PCNX1: variants seen among roughly 807,000 people sequenced by gnomAD.
PCNX1 encodes pecanex-like protein 1.
Under a neutral mutation model 242.2 loss-of-function variants are expected in PCNX1, and 78 were observed. The observed-to-expected ratio is 0.32, with a 90% CI of 0.27 to 0.39. PCNX1 has a LOEUF of 0.39. PCNX1 is among the 10% of genes least tolerant of loss of function. PCNX1 has a pLI of 1.00. For missense variants in PCNX1, 2,581 were observed against 2,856.5 expected, an observed-to-expected ratio of 0.90 and a Z score of 2.20; for synonymous variants, 1,024 against 1,032.9, an observed-to-expected ratio of 0.99 and a Z score of 0.17.
intron 3 of PCNX1, among the ~76,000 whole-genome samples, chr14:70,963,228 T>C (rs1306788003): frequency 1.3e-5 from 2 of 152,226 alleles, no homozygotes; most frequent in Admixed American, 6.5e-5. Context: ...GTAACTATCC[T>C]ACATTTCTCA....
intron 26 of PCNX1, among the ~76,000 whole-genome samples, chr14:71,060,129 A>G (rs1365994703): frequency 6.6e-6 from 1 of 152,202 alleles, no homozygotes; most frequent in African/African-American, 2.4e-5. Context: ...TGCACATATC[A>G]CAATGGTCCC....
intron 11 of PCNX1, among the ~76,000 whole-genome samples, chr14:71,017,485 C>G (rs566141001): frequency 6.6e-6 from 1 of 152,102 alleles, no homozygotes; most frequent in South Asian, 2.1e-4. Flanking sequence ...GTAGCCTTAC[C>G]TTGTGCCATA....
chr14:70,926,615 C>T (rs1247320753), intron 1 of PCNX1, among the ~76,000 whole-genome samples: 2 of 152,088 alleles, frequency 1.3e-5, no homozygotes, highest in Admixed American at 6.5e-5. Flanking sequence ...CACATGACAG[C>T]GCCCCACACC....
chr14:70,995,901 G>A lies in PCNX1; in HGVS notation c.2605G>A (p.Gly869Ser), dbSNP rs755551924. The change falls in exon 8 of 36, where the codon GGT (glycine) becomes AGT (serine). Residue 869 changes from glycine (G) to serine (S), a missense_variant. Gly to Ser is a moderately conservative substitution (Grantham distance 56, BLOSUM62 0). This residue lies in a region of PCNX1 where 1,204 missense variants were observed against 1,216.7 expected (regional missense o/e 0.99). Coordinates refer to ENST00000304743, the MANE Select transcript of PCNX1 (RefSeq NM_014982.3). Reference sequence around the variant, plus strand: ...ACATGACAATGCATCTGCTGTAGGCGGTAGCAGTTTGCACGATGAACTTGG... The same window carrying A: ...ACATGACAATGCATCTGCTGTAGGCAGTAGCAGTTTGCACGATGAACTTGG... Reference protein sequence around the residue: ...ASHDNASAVGGSSLHDELGKF... With the variant: ...ASHDNASAVGSSSLHDELGKF... 5.0e-6 allele frequency: 8 copies of A among 1,613,886 alleles called. No homozygotes were observed. The highest frequency in any genetic ancestry group is 2.2e-5 in the South Asian group (2 of 91,074).
At chr14:71,036,229 A>T in intron 19 of PCNX1, 72 bp downstream of exon 19, 2 of 967,376 alleles carry the variant, frequency 2.1e-6, no homozygotes, top group Non-Finnish European at 3.4e-6. Context: ...CCCAGGCTGG[A>T]GTGCAGTGTT....
At chr14:70,947,461 C>A (rs2057502845) in intron 2 of PCNX1, among the ~76,000 whole-genome samples, 1 of 152,180 alleles carries the variant, frequency 6.6e-6, no homozygotes, top group African/African-American at 2.4e-5. Context: ...GTTAGTTCCC[C>A]AAATTAATAC....
chr14:70,957,631 C>T (rs751237293), intron 2 of PCNX1, among the ~76,000 whole-genome samples: 6 of 151,872 alleles, frequency 4.0e-5, no homozygotes, highest in Non-Finnish European at 7.4e-5. Flanking sequence ...TGGAAAGGGA[C>T]GGGTAGTAAT....
intron 26 of PCNX1, among the ~76,000 whole-genome samples, chr14:71,069,867 A>G (rs912665614): frequency 6.6e-6 from 1 of 152,220 alleles, no homozygotes; most frequent in Admixed American, 6.5e-5. Context: ...TCAGACAACA[A>G]TGAAGTTTGC....
Position 70,907,923 on chromosome 14 carries a change from C to T in PCNX1, c.73C>T (p.Pro25Ser), listed in dbSNP as rs1365472264. 3.8e-6 allele frequency: 6 copies of T among 1,593,242 alleles called. No homozygotes were observed. Among genetic ancestry groups the T allele is most frequent in the Non-Finnish European group, 5.1e-6 (6 of 1,171,780 alleles). Residue 25 changes from proline (P) to serine (S), a missense_variant, in exon 1 of 36, where the codon CCG (proline) becomes TCG (serine). Around this residue, in one of 9 missense-constraint regions of PCNX1, gnomAD observed 1,204 missense variants for 1,216.7 expected, o/e 0.99. Transcript: ENST00000304743. ...GCTCAGCGGGGGCTGGTACTACGAC[C>T]CGCACCAGGCCACCTTCGTGAACGC... is the stretch of plus-strand genomic sequence containing the variant. ...AALSGGWYYD[P>S]HQATFVNALH...
intron 7 of PCNX1, 44 bp from the exon 8 acceptor site, chr14:70,995,697 C>CT: frequency 1.3e-6 from 2 of 1,556,700 alleles, no homozygotes; most frequent in Non-Finnish European, 1.8e-6. Flanking sequence ...ATTGTTTTCT[C>CT]TTTTCTTCCC....
chr14:71,109,159 T>A, intron 34 of PCNX1, 113 bp downstream of exon 34: 2 of 996,700 alleles, frequency 2.0e-6, no homozygotes, highest in Non-Finnish European at 2.9e-6. Context: ...GTCTCAGGAC[T>A]AGAATATTTT....
chr14:71,010,363 A>G (rs1405608840), intron 9 of PCNX1, among the ~76,000 whole-genome samples: 2 of 151,976 alleles, frequency 1.3e-5, no homozygotes, highest in African/African-American at 4.8e-5. Flanking sequence ...CTCTTTCTTT[A>G]TGTAATTTTA....
intron 28 of PCNX1, chr14:71,085,519 G>C (rs553242281): frequency 4.6e-5 from 7 of 152,742 alleles, no homozygotes; most frequent in Admixed American, 1.3e-4. Flanking sequence ...GCATCAAATT[G>C]GATTCCTATG....
intron 26 of PCNX1, among the ~76,000 whole-genome samples, chr14:71,063,617 C>T (rs1331875797): frequency 6.6e-6 from 1 of 152,126 alleles, no homozygotes; most frequent in Non-Finnish European, 1.5e-5. Flanking sequence ...GTCTCACCTA[C>T]CCGTCTGCCA....
chr14:71,094,682 C>T (rs1005818372), intron 30 of PCNX1, among the ~76,000 whole-genome samples: 1 of 152,090 alleles, frequency 6.6e-6, no homozygotes, highest in African/African-American at 2.4e-5. Context: ...ATCCCAGCAC[C>T]GTTGGGAGGC....
intron 1 of PCNX1, among the ~76,000 whole-genome samples, chr14:70,941,496 C>T (rs548000027): frequency 1.1e-4 from 16 of 152,292 alleles, no homozygotes; most frequent in African/African-American, 3.4e-4. Flanking sequence ...CTGGAAGCTT[C>T]GTCTCAGAGG....
intron 26 of PCNX1, among the ~76,000 whole-genome samples, chr14:71,070,575 A>G (rs2061562588): frequency 6.6e-6 from 1 of 152,238 alleles, no homozygotes. Context: ...TTGGGTGATC[A>G]GGTGCATTGT....
At chr14:70,940,258 T>C (rs1196680465) in intron 1 of PCNX1, among the ~76,000 whole-genome samples, 1 of 152,226 alleles carries the variant, frequency 6.6e-6, no homozygotes, top group Non-Finnish European at 1.5e-5. Flanking sequence ...GTTTTTGCAG[T>C]GGTTGCTACT....
Position 71,076,541 on chromosome 14 carries a change from A to G in PCNX1, c.5337+122A>G. 4 of 663,160 alleles carry G rather than the reference A, an allele frequency of 6.0e-6. No individual in the cohort carries two copies. In the Admixed American group the frequency reaches 1.0e-4, roughly 17 times the overall value. 41.1% of individuals were successfully genotyped at this position (663,160 alleles called of 1,614,324 possible). On this transcript the variant is annotated intron_variant, in intron 28 of 35. Transcript: ENST00000304743. ...CTTCCTCTTTCTGATCTTCTGGTTA[A>G]GATAACCTAACTGGTTCATTATGGT...
Sources: allele counts gnomAD v4.1 joint callset (sites outside exome capture counted in the v4.1 genomes callset), GRCh38; gene constraint gnomAD v4.1.1; regional missense constraint gnomAD v4.1.1; transcripts MANE v1.5; gene names NCBI Gene and HGNC (gene_info 2026-07-23, HGNC 2026-07-21).